Variants in CDKL4 observed in about 807,000 individuals in gnomAD.
CDKL4 encodes cyclin-dependent kinase-like 4.
A neutral mutation model predicts 42.0 loss-of-function variants in CDKL4; 44 were observed. The ratio of observed to expected loss-of-function variants is 1.05; its 90% confidence interval spans 0.82 to 1.35. The LOEUF (loss-of-function observed/expected upper bound fraction) is 1.35, where lower values mean the gene tolerates loss of function less well. CDKL4 is among the 40% of genes most tolerant of loss of function. The probability of loss-of-function intolerance (pLI) is 0.00; values close to 1 mark genes in which losing one functional copy is unlikely to be tolerated. For synonymous variants in CDKL4, 120 were observed against 121.6 expected (o/e 0.99, Z 0.09); for missense variants, 393 against 369.9 (o/e 1.06, Z -0.51).
chr2:39,174,477 C>T (rs992444442), downstream of CDKL4, among the ~76,000 whole-genome samples: 2 of 151,866 alleles, frequency 1.3e-5, no homozygotes, highest in African/African-American at 4.8e-5. Context: ...GATGCTTCTA[C>T]ATAACTGAAT....
intron 3 of CDKL4, among the ~76,000 whole-genome samples, chr2:39,225,330 A>T (rs890571901): frequency 1.3e-5 from 2 of 151,832 alleles, no homozygotes; most frequent in Admixed American, 6.6e-5. Context: ...GCTTGAACCC[A>T]GGAGGTGGAG....
Position 39,204,522 on chromosome 2 carries a change from C to A in CDKL4, c.454+5G>T, listed in dbSNP as rs1323294081. ...TGGGTATTAGTAAAAAAAATTGCTA[C>A]TTACTCAGAATTTGTGCAAACCCGA... On this transcript the variant is annotated splice_donor_5th_base_variant and intron_variant, in intron 5 of 9. Coordinates refer to ENST00000451199, the Ensembl canonical transcript of CDKL4. 6.3e-7 allele frequency: 1 copy of A among 1,575,158 alleles called. No homozygotes were observed. Among genetic ancestry groups the A allele is most frequent in the South Asian group, 1.1e-5 (1 of 89,352 alleles).
intron 3 of CDKL4, among the ~76,000 whole-genome samples, chr2:39,220,645 T>C (rs1312721761): frequency 1.3e-5 from 2 of 152,002 alleles, no homozygotes; most frequent in African/African-American, 2.4e-5. Flanking sequence ...TGGAGTGAAG[T>C]GGCATGGTCT....
chr2:39,234,892 T>A (rs79435295), intron 1 of CDKL4, among the ~76,000 whole-genome samples: 11,215 of 136,362 alleles, frequency 0.082, 1,359 homozygotes, highest in African/African-American at 0.32. Context: ...TTAAAAAAAA[T>A]TTTTTTTTTT....
chr2:39,245,435 C>CT (rs1294368777), upstream of CDKL4, among the ~76,000 whole-genome samples: 1 of 152,016 alleles, frequency 6.6e-6, no homozygotes, highest in Non-Finnish European at 1.5e-5. Context: ...GACGCGCCAG[C>CT]TTAAGAGCTG....
intron 4 of CDKL4, among the ~76,000 whole-genome samples, chr2:39,209,712 A>G (rs544613144): frequency 2.0e-5 from 3 of 152,288 alleles, no homozygotes; most frequent in Admixed American, 6.5e-5. Context: ...GGAGATGATA[A>G]GGTGCACATG....
intron 7 of CDKL4, among the ~76,000 whole-genome samples, chr2:39,185,616 C>T (rs988341509): frequency 6.6e-6 from 1 of 150,976 alleles, no homozygotes; most frequent in Admixed American, 6.6e-5. Flanking sequence ...GCGCCCACCA[C>T]ACGCCCGGCT....
At chr2:39,220,987 T>TG (rs1271932159) in intron 3 of CDKL4, among the ~76,000 whole-genome samples, 3 of 44,482 alleles carry the variant, frequency 6.7e-5, no homozygotes, top group East Asian at 6.7e-4. Context: ...TTTTTTTTTT[T>TG]TTTTTTTTTT....
At chr2:39,211,273 G>A (rs1231527312) in intron 4 of CDKL4, among the ~76,000 whole-genome samples, 2 of 152,130 alleles carry the variant, frequency 1.3e-5, no homozygotes, top group Non-Finnish European at 2.9e-5. Context: ...TGTAGTCCCA[G>A]CTACTCAGGG....
intron 1 of CDKL4, among the ~76,000 whole-genome samples, chr2:39,241,703 C>T (rs1679669581): frequency 1.3e-5 from 2 of 152,174 alleles, no homozygotes. Flanking sequence ...AGTCAAATGT[C>T]TTTCTGCTTA....
intron 5 of CDKL4, 121 bp downstream of exon 5, chr2:39,204,406 T>C (rs1160841231): frequency 1.5e-6 from 1 of 680,732 alleles, no homozygotes. Flanking sequence ...AAGTGAGATT[T>C]TCCTTTTTGA....
chr2:39,178,686 T>C, intron 9 of CDKL4: 4 of 1,608,712 alleles, frequency 2.5e-6, no homozygotes, highest in Non-Finnish European at 3.4e-6. Context: ...CCCAGATGTC[T>C]GGGTTTCATT....
rs1487918562 is a variant in CDKL4, at chr2:39,179,142, A to T, written c.927+45T>A. 1.9e-6 allele frequency: 3 copies of T among 1,579,574 alleles called. No homozygotes were observed. In the South Asian group the frequency reaches 3.6e-5, roughly 19 times the overall value. On this transcript the variant is annotated intron_variant, in intron 9 of 9. Coordinates refer to ENST00000451199, the Ensembl canonical transcript of CDKL4. ...TTGAAAGGCAGACAAACAAAAACAAAAAAGGAATTATTTTTATAGCACTTT... is the reference window on the plus strand; with the variant it reads ...TTGAAAGGCAGACAAACAAAAACAATAAAGGAATTATTTTTATAGCACTTT...
At chr2:39,194,544 G>A (rs984781970) in intron 5 of CDKL4, among the ~76,000 whole-genome samples, 3 of 152,130 alleles carry the variant, frequency 2.0e-5, no homozygotes, top group African/African-American at 7.2e-5. Context: ...GTATTTTAAT[G>A]TGCATTTATT....
chr2:39,185,129 T>C (rs1265718400), intron 7 of CDKL4, among the ~76,000 whole-genome samples: 7 of 138,864 alleles, frequency 5.0e-5, no homozygotes, highest in Non-Finnish European at 7.7e-5. Context: ...TACACACACA[T>C]ATATATACAT....
intron 5 of CDKL4, among the ~76,000 whole-genome samples, chr2:39,192,894 G>A (rs1013526476): frequency 6.6e-6 from 1 of 151,418 alleles, no homozygotes; most frequent in African/African-American, 2.4e-5. Flanking sequence ...GGGAGGCAAA[G>A]GCAGGCGGAT....
downstream of CDKL4, among the ~76,000 whole-genome samples, chr2:39,173,536 G>A (rs145816246): frequency 4.8e-3 from 732 of 152,090 alleles, 3 homozygotes; most frequent in African/African-American, 0.017. Context: ...GGAGCCGGGC[G>A]CGGTGGCTCA....
At chr2:39,207,256 G>A (rs1255509837) in intron 4 of CDKL4, among the ~76,000 whole-genome samples, 1 of 152,064 alleles carries the variant, frequency 6.6e-6, no homozygotes, top group Non-Finnish European at 1.5e-5. Context: ...TGTGTGGCGT[G>A]TGCCTTTAGT....
chr2:39,178,434 C>T, intron 9 of CDKL4: 1 of 807,976 alleles, frequency 1.2e-6, no homozygotes. Context: ...TGTTCGTCTA[C>T]TTATTTATTT....
Sources: gnomAD v4.1 joint callset for allele counts (sites outside exome capture counted in the v4.1 genomes callset) on GRCh38, gnomAD v4.1.1 for gene constraint, MANE v1.5 for transcripts, NCBI Gene and HGNC (gene_info 2026-07-23, HGNC 2026-07-21) for gene names.